MACF1: variants seen among roughly 807,000 people sequenced by gnomAD.
MACF1 encodes microtubule actin crosslinking factor 1, also known as microtubule-actin cross-linking factor 1.
A neutral mutation model predicts 854.8 loss-of-function variants in MACF1; 193 were observed. The observed-to-expected ratio is 0.23, with a 90% CI of 0.20 to 0.25. The LOEUF (loss-of-function observed/expected upper bound fraction) is 0.25, where lower values mean the gene tolerates loss of function less well. MACF1 is among the 10% of genes least tolerant of loss of function. MACF1 has a pLI of 1.00. For synonymous variants in MACF1, 3,185 were observed against 3,226.7 expected (o/e 0.99, Z 0.44); for missense variants, 7,722 against 8,929.1 (o/e 0.86, Z 5.45).
At chr1:39,480,047 C>A in intron 98 of MACF1, 38 bp downstream of exon 98, 1 of 1,299,312 alleles carries the variant, frequency 7.7e-7, no homozygotes, top group Non-Finnish European at 1.1e-6. Context: ...CTTCCCCAAT[C>A]CCACCCTCAC....
intron 1 of MACF1, among the ~76,000 whole-genome samples, chr1:39,211,268 T>A (rs917202528): frequency 6.6e-6 from 1 of 152,072 alleles, no homozygotes; most frequent in Non-Finnish European, 1.5e-5. Context: ...ACGCCCAGCC[T>A]TGACTTAGTT....
At chr1:39,153,639 G>A (rs1198923108) in intron 2 of MACF1, among the ~76,000 whole-genome samples, 1 of 150,810 alleles carries the variant, frequency 6.6e-6, no homozygotes, top group Non-Finnish European at 1.5e-5. Context: ...AGAGCTCTTC[G>A]TACCCTTTTT....
Position 39,110,758 on chromosome 1 carries a change from G to A in MACF1, c.220+26320G>A, listed in dbSNP as rs113463933. On this transcript the variant is annotated intron_variant, in intron 2 of 93. Transcript: ENST00000361689. ...GCTAACAGTGCTTATGGGAGCTACT[G>A]CCTTGTCTTGGGCTTGTTGGCAAAT... is the stretch of plus-strand genomic sequence containing the variant. Among the ~76,000 whole-genome samples, 829 of 152,304 alleles carry A rather than the reference G, an allele frequency of 5.4e-3. 7 individuals are homozygous for A. The highest frequency in any genetic ancestry group is 0.018 in the African/African-American group (768 of 41,556).
chr1:39,298,490 A>G (rs1296235421), intron 21 of MACF1, among the ~76,000 whole-genome samples: 1 of 152,264 alleles, frequency 6.6e-6, no homozygotes, highest in Non-Finnish European at 1.5e-5. Context: ...AGAAATGTAT[A>G]TGCAATAGGG....
At chr1:39,355,460 C>CTTTTTTTTTTTTTTTTTT (rs56202498) in intron 44 of MACF1, among the ~76,000 whole-genome samples, 4 of 81,062 alleles carry the variant, frequency 4.9e-5, no homozygotes, top group Admixed American at 1.8e-4. Flanking sequence ...TTTTCTTCTG[C>CTTTTTTTTTTTTTTTTTT]TTTTTTTTTT....
In MACF1 at chr1:39,412,813, G is replaced by A. The variant is rs201118698; in HGVS notation, c.15817-9561G>A. 476 of 1,612,440 alleles carry A rather than the reference G, an allele frequency of 3.0e-4. 3 individuals are homozygous for A. The highest frequency in any genetic ancestry group is 1.4e-4 in the Non-Finnish European group (163 of 1,179,248). ...CACTGTCAAAGATGCCCTAGATGCT[G>A]CACTGCCCAGCCCAGAGGAGGGTAC... On this transcript the variant is annotated intron_variant, in intron 58 of 100. Transcript: ENST00000564288.
In MACF1 at chr1:39,283,962, A is replaced by G. The variant is rs1225435224; in HGVS notation, c.916-104A>G. ...AAACTGAGCAGCATCTAGGCAATTAAAGGAAATGGATTTTATATAGTTTGG... is the reference window on the plus strand; with the variant it reads ...AAACTGAGCAGCATCTAGGCAATTAGAGGAAATGGATTTTATATAGTTTGG... On this transcript the variant is annotated intron_variant, in intron 9 of 100. Transcript: ENST00000564288. This position sits in a 1 kb window ranked among gnomAD's most constrained non-coding sequence, Gnocchi z 4.5. The G allele has an allele frequency of 1.5e-6, 2 of 1,296,280 alleles. No individual in the cohort carries two copies. Among genetic ancestry groups the G allele is most frequent in the Non-Finnish European group, 2.2e-6 (2 of 926,328 alleles). 80.3% of individuals were successfully genotyped at this position (1,296,280 alleles called of 1,614,324 possible). A position where few individuals can be genotyped will look rare whatever the true frequency, so the allele number is the denominator to read the frequency against.
At chr1:39,137,843 G>A (rs937161674) in intron 2 of MACF1, among the ~76,000 whole-genome samples, 3 of 152,036 alleles carry the variant, frequency 2.0e-5, no homozygotes, top group Admixed American at 6.5e-5. Context: ...GGAAGCCGAG[G>A]CAGGTGGATC....
chr1:39,140,507 A>G (rs923188229), intron 2 of MACF1, among the ~76,000 whole-genome samples: 4 of 152,372 alleles, frequency 2.6e-5, no homozygotes, highest in Admixed American at 1.3e-4. Flanking sequence ...AGAAATGTTG[A>G]TGAATGCATG....
intron 2 of MACF1, among the ~76,000 whole-genome samples, chr1:39,119,438 T>C (rs1642637746): frequency 6.6e-6 from 1 of 152,082 alleles, no homozygotes; most frequent in African/African-American, 2.4e-5. Flanking sequence ...TTGTTGTTGT[T>C]GTTACTTTTT....
At chr1:39,461,152 G>T (rs4660762) in intron 92 of MACF1, among the ~76,000 whole-genome samples, 2 of 151,494 alleles carry the variant, frequency 1.3e-5, no homozygotes, top group African/African-American at 4.9e-5. Flanking sequence ...GATTTGGTCT[G>T]TGTTTTAGTA....
intron 2 of MACF1, among the ~76,000 whole-genome samples, chr1:39,139,126 G>T (rs1643259261): frequency 6.6e-6 from 1 of 152,182 alleles, no homozygotes; most frequent in Non-Finnish European, 1.5e-5. Flanking sequence ...GGAGTACAAG[G>T]CATGCTGAAT....
At position 39,424,097 on chromosome 1, in the gene MACF1, G is replaced by A; in HGVS notation, c.16219G>A (p.Ala5407Thr). ...GCTTCAAGCAGAAGGAGGCAGAATA[G>A]CCCAGTCAGCAGAGCTGGCTGATAG... ...DMLQAEGGRI[A>T]QSAELADREK... Residue 5407 changes from alanine to threonine, a missense_variant, in exon 61 of 101, where the codon GCC becomes ACC. Physicochemically the swap from Ala to Thr is moderately conservative, Grantham distance 58. Transcript: ENST00000564288. The A allele has an allele frequency of 6.2e-7, 1 of 1,612,568 alleles. No homozygotes were observed. Among genetic ancestry groups the A allele is most frequent in the Non-Finnish European group, 8.5e-7 (1 of 1,179,694 alleles).
At chr1:39,269,823 T>C in intron 6 of MACF1, 1 of 952,182 alleles carries the variant, frequency 1.1e-6, no homozygotes, top group Non-Finnish European at 1.4e-6. Context: ...TTGGTGCCTC[T>C]CAAACTTACC....
chr1:39,341,902 AT>A (rs879696934), intron 40 of MACF1, among the ~76,000 whole-genome samples: 5 of 151,174 alleles, frequency 3.3e-5, no homozygotes, highest in Non-Finnish European at 7.4e-5. Context: ...GTTTCAGGAG[AT>A]TTTTTGTTGT....
intron 2 of MACF1, among the ~76,000 whole-genome samples, chr1:39,188,823 C>T (rs1284406349): frequency 5.9e-5 from 9 of 152,098 alleles, no homozygotes; most frequent in African/African-American, 1.9e-4. Flanking sequence ...AGGCTGGTCT[C>T]GAACTCCTGA....
Position 39,357,663 on chromosome 1 carries a change from A to G in MACF1, c.11713A>G (p.Lys3905Glu), listed in dbSNP as rs867957477. 6 of 1,614,048 alleles carry G rather than the reference A, an allele frequency of 3.7e-6. No homozygotes were observed. In the African/African-American group the frequency reaches 5.3e-5, roughly 14 times the overall value. ...RSEKELENMH[K>E]GGSSPETLPS... ...CGAGAAAGAGCTGGAGAACATGCAT[A>G]AGGGAGGCAGCAGCCCCGAGACCCT... Residue 3905 changes from lysine (K) to glutamate (E), a missense_variant, in exon 45 of 101, where the codon AAG (lysine) becomes GAG (glutamate). This residue lies in a region of MACF1 where 2,807 missense variants were observed against 3,235.8 expected (regional missense o/e 0.87). Coordinates refer to ENST00000564288, the MANE Select transcript of MACF1 (RefSeq NM_001394062.1).
At chr1:39,438,043 C>G in intron 71 of MACF1, 35 bp downstream of exon 71, 3 of 1,581,396 alleles carry the variant, frequency 1.9e-6, no homozygotes, top group Non-Finnish European at 2.6e-6. Context: ...TAAAAATCAA[C>G]AGAATAAATT....
At chr1:39,305,197 G>A (rs1377780812) in intron 23 of MACF1, among the ~76,000 whole-genome samples, 1 of 150,362 alleles carries the variant, frequency 6.7e-6, no homozygotes, top group Admixed American at 6.6e-5. Context: ...GGGTGTGGAG[G>A]TTGCAGTGAG....
Sources: allele counts gnomAD v4.1 joint callset (sites outside exome capture counted in the v4.1 genomes callset), GRCh38; gene constraint gnomAD v4.1.1; regional missense constraint gnomAD v4.1.1; non-coding constraint Gnocchi (gnomAD v3.1); transcripts MANE v1.5; gene names NCBI Gene and HGNC (gene_info 2026-07-23, HGNC 2026-07-21).